The following TRPM3 variants were observed in gnomAD, a reference collection of about 807,000 sequenced individuals.
TRPM3 encodes the protein transient receptor potential cation channel subfamily M member 3, also known as long transient receptor potential channel 3.
TRPM3 carries 77 observed loss-of-function variants against 181.2 expected under a neutral mutation model. The observed-to-expected ratio is 0.42, with a 90% CI of 0.35 to 0.51. The LOEUF (loss-of-function observed/expected upper bound fraction) is 0.51. Among genes scored for constraint, TRPM3 ranks in the 20% least tolerant of loss-of-function variants. TRPM3 has a pLI of 0.01. For synonymous variants in TRPM3, 745 were observed against 796.4 expected (o/e 0.94, Z 1.09); for missense variants, 1,759 against 2,196.7 (o/e 0.80, Z 3.98).
upstream of TRPM3, chr9:71,121,716 G>T: frequency 1.2e-6 from 1 of 860,976 alleles, no homozygotes; most frequent in Non-Finnish European, 1.4e-6. Flanking sequence ...TTGGGGGGGA[G>T]CCAGGAGGAT....
intron 1 of TRPM3, among the ~76,000 whole-genome samples, chr9:71,107,525 G>A (rs1283299416): frequency 1.3e-5 from 2 of 152,032 alleles, no homozygotes; most frequent in Non-Finnish European, 2.9e-5. Context: ...TTTGATCAAA[G>A]GCCTGTTCTT....
chr9:70,817,753 G>A (rs1259939130), intron 6 of TRPM3, among the ~76,000 whole-genome samples: 1 of 151,998 alleles, frequency 6.6e-6, no homozygotes, highest in African/African-American at 2.4e-5. Flanking sequence ...TGCTACTACA[G>A]ACCACCCAGT....
intron 12 of TRPM3, among the ~76,000 whole-genome samples, chr9:70,630,229 G>T (rs766161601): frequency 2.6e-5 from 4 of 152,146 alleles, no homozygotes; most frequent in African/African-American, 9.7e-5. Flanking sequence ...TCTGTACCTC[G>T]GTTTATGCTG....
At chr9:70,898,585 T>G (rs560396500) in intron 1 of TRPM3, among the ~76,000 whole-genome samples, 16 of 149,446 alleles carry the variant, frequency 1.1e-4, no homozygotes, top group Admixed American at 1.1e-3. Context: ...CCGTCTCTAC[T>G]AAAAATACAA....
intron 1 of TRPM3, among the ~76,000 whole-genome samples, chr9:71,144,309 T>G (rs1182955143): frequency 6.6e-6 from 1 of 152,182 alleles, no homozygotes; most frequent in Non-Finnish European, 1.5e-5. Flanking sequence ...TACCCAATAT[T>G]GGCATACTCA....
At chr9:71,024,298 A>C (rs1026321796) in intron 1 of TRPM3, among the ~76,000 whole-genome samples, 1 of 152,348 alleles carries the variant, frequency 6.6e-6, no homozygotes, top group East Asian at 1.9e-4. Flanking sequence ...CAGAGGGGCC[A>C]AGTATCAAGA....
intron 1 of TRPM3, among the ~76,000 whole-genome samples, chr9:71,186,421 C>T (rs951137063): frequency 6.6e-6 from 1 of 152,024 alleles, no homozygotes; most frequent in African/African-American, 2.4e-5. Flanking sequence ...ACCCACTTCT[C>T]TATTTCTTCT....
intron 6 of TRPM3, among the ~76,000 whole-genome samples, chr9:70,810,553 T>C (rs535578179): frequency 2.1e-4 from 32 of 152,200 alleles, no homozygotes; most frequent in Admixed American, 1.9e-3. Context: ...AAAGTTTTGC[T>C]TGATGACTCA....
chr9:70,666,094 C>T (rs113068772), intron 9 of TRPM3, among the ~76,000 whole-genome samples: 21 of 152,306 alleles, frequency 1.4e-4, no homozygotes, highest in African/African-American at 4.8e-4. Context: ...TCCAAGGAAC[C>T]GTAGCTCCCA....
exon 1 of TRPM3, chr9:71,446,694 C>A: frequency 6.4e-7 from 1 of 1,550,552 alleles, no homozygotes; most frequent in Non-Finnish European, 8.7e-7. Context: ...TTGGTGGACC[C>A]CTGCTTGGAA....
At chr9:70,619,863 A>T (rs1451073436) in intron 16 of TRPM3, among the ~76,000 whole-genome samples, 4 of 152,140 alleles carry the variant, frequency 2.6e-5, no homozygotes, top group African/African-American at 9.7e-5. Context: ...CTCATGGGGA[A>T]GTTGACAGGA....
intron 5 of TRPM3, 132 bp from the exon 6 acceptor site, chr9:70,828,150 C>T: frequency 1.1e-6 from 1 of 893,858 alleles, no homozygotes; most frequent in Non-Finnish European, 1.7e-6. Context: ...CAGTCTACAT[C>T]TTCTTCTTAG....
chr9:71,428,874 T>A (rs1284387705), intron 1 of TRPM3, among the ~76,000 whole-genome samples: 1 of 151,668 alleles, frequency 6.6e-6, no homozygotes, highest in East Asian at 1.9e-4. Context: ...AATTTGCTTC[T>A]TAATTTAAAA....
At chr9:71,128,191 T>C (rs1008218275) in intron 1 of TRPM3, among the ~76,000 whole-genome samples, 1 of 152,192 alleles carries the variant, frequency 6.6e-6, no homozygotes, top group African/African-American at 2.4e-5. Flanking sequence ...TTAAAATAGA[T>C]AGTGGTTATG....
At chr9:70,886,062 C>T (rs2096076796) in intron 1 of TRPM3, among the ~76,000 whole-genome samples, 2 of 152,212 alleles carry the variant, frequency 1.3e-5, no homozygotes, top group Non-Finnish European at 2.9e-5. Flanking sequence ...ATTACACTTA[C>T]AGCCAGGATG....
At chr9:70,682,267 T>C (rs1217012319) in intron 8 of TRPM3, among the ~76,000 whole-genome samples, 3 of 152,080 alleles carry the variant, frequency 2.0e-5, no homozygotes, top group African/African-American at 4.8e-5. Flanking sequence ...TTTATGTAAA[T>C]ACATAAAATA....
intron 8 of TRPM3, among the ~76,000 whole-genome samples, chr9:70,690,604 G>A (rs1249355462): frequency 6.6e-6 from 1 of 151,886 alleles, no homozygotes; most frequent in Non-Finnish European, 1.5e-5. Flanking sequence ...CTAGGGAGAA[G>A]CTAATGCAGT....
At chr9:71,208,258 T>C (rs1282041283) in intron 1 of TRPM3, among the ~76,000 whole-genome samples, 1 of 152,146 alleles carries the variant, frequency 6.6e-6, no homozygotes, top group Admixed American at 6.6e-5. Flanking sequence ...TACTAAATAA[T>C]AGTGTAAAAC....
chr9:70,904,399 C>T (rs1419352366), intron 1 of TRPM3, among the ~76,000 whole-genome samples: 1 of 152,192 alleles, frequency 6.6e-6, no homozygotes, highest in Non-Finnish European at 1.5e-5. Flanking sequence ...GCTCATTCTG[C>T]TTCCACTTTC....
Sources: gnomAD v4.1 joint callset for allele counts (sites outside exome capture counted in the v4.1 genomes callset) on GRCh38, gnomAD v4.1.1 for gene constraint, MANE v1.5 for transcripts, NCBI Gene and HGNC (gene_info 2026-07-23, HGNC 2026-07-21) for gene names.